Variants in RBFOX1 observed in about 807,000 individuals in gnomAD.
RBFOX1 encodes the protein RNA binding protein fox-1 homolog 1.
RBFOX1 carries 8 observed loss-of-function variants against 57.7 expected under a neutral mutation model. The observed-to-expected ratio is 0.14, with a 90% CI of 0.08 to 0.25. The LOEUF (loss-of-function observed/expected upper bound fraction) is 0.25, where lower values mean the gene tolerates loss of function less well. Among genes scored for constraint, RBFOX1 ranks in the 10% least tolerant of loss-of-function variants. The pLI, the probability that RBFOX1 is intolerant of heterozygous loss-of-function variation, is 1.00. For missense variants in RBFOX1, 611 were observed against 548.5 expected, an observed-to-expected ratio of 1.11 and a Z score of -1.14; for synonymous variants, 326 against 222.4, an observed-to-expected ratio of 1.47 and a Z score of -4.15.
rs552752000 is a variant in RBFOX1 at position 7,228,522 on chromosome 16, A to G, written c.27+176424A>G. Among the ~76,000 whole-genome samples, 221 of 152,346 alleles carry G rather than the reference A, an allele frequency of 1.5e-3. 2 individuals are homozygous for G. Among genetic ancestry groups the G allele is most frequent in the African/African-American group, 5.0e-3 (207 of 41,578 alleles). On this transcript the variant is annotated intron_variant, in intron 4 of 15. Transcript: ENST00000550418. ...TGATTCATAAAGATGGTTAATAGCA[A>G]TGAAATTTTACAGATTGGGAAACTG...
At chr16:6,216,454 C>A (rs1318057532) in intron 1 of RBFOX1, among the ~76,000 whole-genome samples, 1 of 152,230 alleles carries the variant, frequency 6.6e-6, no homozygotes, top group East Asian at 1.9e-4. Flanking sequence ...ACCATTAGCT[C>A]CCCCTCTTAA....
intron 14 of RBFOX1, among the ~76,000 whole-genome samples, chr16:7,681,408 AG>A (rs2074705822): frequency 6.6e-6 from 1 of 152,190 alleles, no homozygotes; most frequent in African/African-American, 2.4e-5. Flanking sequence ...GAACTAAAAA[AG>A]TAAAAGGATT....
chr16:6,490,270 C>T (rs993598599), intron 2 of RBFOX1, among the ~76,000 whole-genome samples: 2 of 152,156 alleles, frequency 1.3e-5, no homozygotes, highest in Admixed American at 6.5e-5. Flanking sequence ...CTTGCAAGTA[C>T]GCAATTAAAT....
At chr16:6,889,163 C>T (rs2064841386) in intron 3 of RBFOX1, among the ~76,000 whole-genome samples, 1 of 152,150 alleles carries the variant, frequency 6.6e-6, no homozygotes, top group African/African-American at 2.4e-5. Context: ...TTCAGTAGAT[C>T]CCATTGTTAC....
intron 4 of RBFOX1, among the ~76,000 whole-genome samples, chr16:7,091,268 C>A (rs1363586150): frequency 6.8e-6 from 1 of 146,686 alleles, no homozygotes; most frequent in Non-Finnish European, 1.5e-5. Flanking sequence ...TTTAACTTTA[C>A]TTTTTTTTTT....
chr16:7,530,008 CAAAA>C (rs35251344), intron 5 of RBFOX1, among the ~76,000 whole-genome samples: 1 of 125,070 alleles, frequency 8.0e-6, no homozygotes, highest in Admixed American at 8.7e-5. Context: ...GACTCCATCT[CAAAA>C]AAAAAAAAAA....
chr16:6,061,800 A>T (rs181206363), intron 1 of RBFOX1, among the ~76,000 whole-genome samples: 1 of 152,112 alleles, frequency 6.6e-6, no homozygotes, highest in Admixed American at 6.5e-5. Flanking sequence ...CCCATCAACA[A>T]CCAGTTCTCC....
chr16:6,989,739 C>T (rs1191655253), intron 3 of RBFOX1, among the ~76,000 whole-genome samples: 1 of 152,130 alleles, frequency 6.6e-6, no homozygotes, highest in African/African-American at 2.4e-5. Flanking sequence ...GTGGCTCACA[C>T]CTGTAATTCC....
intron 2 of RBFOX1, among the ~76,000 whole-genome samples, chr16:6,472,057 A>G (rs2095188441): frequency 6.6e-6 from 1 of 152,016 alleles, no homozygotes; most frequent in Non-Finnish European, 1.5e-5. Context: ...TTCTTTCTCT[A>G]TATACTGTTT....
intron 4 of RBFOX1, among the ~76,000 whole-genome samples, chr16:7,467,585 G>T (rs2060760456): frequency 6.6e-6 from 1 of 152,184 alleles, no homozygotes; most frequent in African/African-American, 2.4e-5. Flanking sequence ...TTTAGTAGCT[G>T]TGGGACTTTG....
intron 1 of RBFOX1, among the ~76,000 whole-genome samples, chr16:5,400,980 C>T (rs1321808573): frequency 6.6e-6 from 1 of 152,080 alleles, no homozygotes; most frequent in African/African-American, 2.4e-5. Context: ...AGAAGTTACT[C>T]CTAATATGTC....
At chr16:5,714,270 C>G (rs572492208) in intron 3 of RBFOX1, among the ~76,000 whole-genome samples, 1 of 152,294 alleles carries the variant, frequency 6.6e-6, no homozygotes, top group Non-Finnish European at 1.5e-5. Flanking sequence ...GCCAATGGCT[C>G]AAGGCAGAAA....
rs1443835570 is a variant in RBFOX1, at chr16:5,836,204, T to C, written c.319-31099T>C. Among the ~76,000 whole-genome samples, 3 of 151,238 alleles carry C rather than the reference T, an allele frequency of 2.0e-5. No homozygotes were observed. The East Asian group carries it at 5.8e-4, about 29-fold the overall frequency. ...GGACATGGGCTCTGCAGCTGGGGGG[T>C]GAGGCTGGGCCCAGGGGAGCCCAAC... On this transcript the variant is annotated intron_variant, in intron 3 of 19. Transcript: ENST00000641259.
At chr16:6,998,809 T>G (rs962602466) in intron 3 of RBFOX1, among the ~76,000 whole-genome samples, 1 of 152,116 alleles carries the variant, frequency 6.6e-6, no homozygotes, top group Non-Finnish European at 1.5e-5. Context: ...TTCTGAGTAC[T>G]TTAAAATATA....
At chr16:6,450,689 A>G (rs9936781) in intron 2 of RBFOX1, among the ~76,000 whole-genome samples, 26,127 of 136,538 alleles carry the variant, frequency 0.19, 3,115 homozygotes, top group East Asian at 0.44. Context: ...GTTTGTCAAT[A>G]TGAAGCAAAT....
At chr16:6,197,564 C>T (rs562507729) in intron 1 of RBFOX1, among the ~76,000 whole-genome samples, 21 of 152,082 alleles carry the variant, frequency 1.4e-4, no homozygotes, top group African/African-American at 4.6e-4. Context: ...TTCTGTTTCC[C>T]GCAAAGACAA....
At chr16:6,209,487 A>T (rs1298798086) in intron 1 of RBFOX1, among the ~76,000 whole-genome samples, 7 of 152,150 alleles carry the variant, frequency 4.6e-5, no homozygotes, top group Non-Finnish European at 1.5e-5. Flanking sequence ...AATACACGTA[A>T]CCTCTCCGGT....
chr16:5,258,161 C>A (rs1245202598), intron 1 of RBFOX1, among the ~76,000 whole-genome samples: 1 of 152,162 alleles, frequency 6.6e-6, no homozygotes, highest in Non-Finnish European at 1.5e-5. Context: ...GGATTATAGG[C>A]ATGAGCTGCT....
intron 2 of RBFOX1, among the ~76,000 whole-genome samples, chr16:6,486,038 A>T (rs565943103): frequency 7.6e-6 from 1 of 130,874 alleles, no homozygotes; most frequent in Admixed American, 7.7e-5. Flanking sequence ...TCCTCTCTCT[A>T]CTAGGAGTAT....
Sources: gnomAD v4.1 joint callset for allele counts (sites outside exome capture counted in the v4.1 genomes callset) on GRCh38, gnomAD v4.1.1 for gene constraint, MANE v1.5 for transcripts, NCBI Gene and HGNC (gene_info 2026-07-23, HGNC 2026-07-21) for gene names.